NAV1: variants seen among roughly 807,000 people sequenced by gnomAD.
NAV1 encodes neuron navigator 1.
NAV1 carries 18 observed loss-of-function variants against 175.2 expected under a neutral mutation model. The ratio of observed to expected loss-of-function variants is 0.10; its 90% confidence interval spans 0.07 to 0.15. NAV1 has a LOEUF of 0.15. Ranked by LOEUF, NAV1 falls within the 10% of genes least tolerant of loss-of-function variation. The probability of loss-of-function intolerance (pLI) is 1.00; values close to 1 mark genes in which losing one functional copy is unlikely to be tolerated. For missense variants in NAV1, 1,731 were observed against 2,436.6 expected (o/e 0.71, Z 6.10); for synonymous variants, 897 against 978.7 (o/e 0.92, Z 1.56).
chr1:201,810,482 G>A lies in NAV1; in HGVS notation c.4562-41G>A. On this transcript the variant is annotated intron_variant, in intron 23 of 29. Coordinates refer to ENST00000367296, the Ensembl canonical transcript of NAV1. The surrounding 1 kb of genome is among the most constrained non-coding windows in gnomAD (Gnocchi z 6.0). ...CTTTAGGATCCCTTGCTATCCTCAA[G>A]ACCCTGGTCAATACTCATGCTTTCT... 1 of 1,555,670 alleles carries A rather than the reference G, an allele frequency of 6.4e-7. No individual in the cohort carries two copies. The highest frequency in any genetic ancestry group is 2.4e-5 in the East Asian group (1 of 41,974).
chr1:201,794,873 T>C, intron 15 of NAV1: 2 of 323,146 alleles, frequency 6.2e-6, no homozygotes, highest in Non-Finnish European at 1.2e-5. Context: ...AAATAGCCCT[T>C]TACATTTTTA....
chr1:201,719,094 T>C (rs1315230575), intron 3 of NAV1, among the ~76,000 whole-genome samples: 1 of 151,734 alleles, frequency 6.6e-6, no homozygotes, highest in Non-Finnish European at 1.5e-5. Context: ...AAAAGCATTT[T>C]ATTCCCAGCT....
At chr1:201,760,285 G>A (rs140229735) in intron 3 of NAV1, among the ~76,000 whole-genome samples, 2 of 152,226 alleles carry the variant, frequency 1.3e-5, no homozygotes, top group African/African-American at 4.8e-5. Context: ...TTGGCAACAC[G>A]GTGAAACCCC....
intron 1 of NAV1, among the ~76,000 whole-genome samples, chr1:201,707,095 C>A (rs558133600): frequency 6.6e-6 from 1 of 152,212 alleles, no homozygotes; most frequent in East Asian, 1.9e-4. Context: ...GGTAGTCAGG[C>A]CTGATGACAC....
chr1:201,656,866 T>C (rs1258857778), intron 1 of NAV1, among the ~76,000 whole-genome samples: 3 of 152,216 alleles, frequency 2.0e-5, no homozygotes, highest in Non-Finnish European at 2.9e-5. Flanking sequence ...ACTCCTTGGC[T>C]TCTTTCCCAG....
At chr1:201,792,079 T>G (rs918982743) in intron 13 of NAV1, 2 of 151,950 alleles carry the variant, frequency 1.3e-5, no homozygotes, top group Non-Finnish European at 2.9e-5. Flanking sequence ...AGCCAAGAAA[T>G]TGAATTTAGA....
At position 201,659,721 on chromosome 1, in the gene NAV1, A is replaced by G. The variant is rs570480498; in HGVS notation, c.757+10296A>G. Among the ~76,000 whole-genome samples, 22 of 152,380 alleles carry G rather than the reference A, an allele frequency of 1.4e-4. 1 individual carries two copies. The highest frequency in any genetic ancestry group is 1.0e-3 in the South Asian group (5 of 4,828). On this transcript the variant is annotated intron_variant, in intron 1 of 29. Coordinates refer to ENST00000367296, the Ensembl canonical transcript of NAV1. ...TATCCAGCTTTGTTTGTTTGAAGGT[A>G]GGAGAACTAGATGGGGACTAGCTGG...
At chr1:201,689,185 T>C (rs765570015) in intron 1 of NAV1, among the ~76,000 whole-genome samples, 2 of 152,244 alleles carry the variant, frequency 1.3e-5, no homozygotes, top group African/African-American at 2.4e-5. Flanking sequence ...TTGAAGGCAC[T>C]AAGTGATGAG....
chr1:201,578,656 T>G (rs1357499824), intron 1 of NAV1, among the ~76,000 whole-genome samples: 1 of 152,196 alleles, frequency 6.6e-6, no homozygotes, highest in East Asian at 1.9e-4. Context: ...CTAGTGGGGT[T>G]GTTGGGCACT....
chr1:201,653,563 A>G (rs1261788713), intron 1 of NAV1, among the ~76,000 whole-genome samples: 4 of 152,256 alleles, frequency 2.6e-5, no homozygotes, highest in Non-Finnish European at 4.4e-5. Flanking sequence ...TTTGAGTAGC[A>G]GGAGAAAGAA....
At chr1:201,596,192 G>C (rs1236479685) in intron 2 of NAV1, among the ~76,000 whole-genome samples, 2 of 152,260 alleles carry the variant, frequency 1.3e-5, no homozygotes, top group Admixed American at 1.3e-4. Context: ...TGCCTGGCAT[G>C]TGGTACGTGT....
chr1:201,821,322 C>G (rs1679364293), exon 30 of NAV1: 1 of 152,532 alleles, frequency 6.6e-6, no homozygotes, highest in Non-Finnish European at 1.5e-5. Context: ...CATGTGAGAT[C>G]ATCCCAATCA....
intron 2 of NAV1, among the ~76,000 whole-genome samples, chr1:201,612,849 C>CTG (rs150520987): frequency 4.6e-4 from 70 of 151,004 alleles, no homozygotes; most frequent in East Asian, 2.1e-3. Context: ...GTGTGTATGT[C>CTG]TGTGTGTGTG....
At chr1:201,818,194 A>C (rs1679180962) in intron 29 of NAV1, among the ~76,000 whole-genome samples, 1 of 151,972 alleles carries the variant, frequency 6.6e-6, no homozygotes, top group Non-Finnish European at 1.5e-5. Context: ...ACACCACTGC[A>C]CTCCAGCCCA....
intron 1 of NAV1, among the ~76,000 whole-genome samples, chr1:201,572,291 G>C (rs1179078268): frequency 6.6e-6 from 1 of 152,122 alleles, no homozygotes; most frequent in South Asian, 2.1e-4. Flanking sequence ...AGTTCCCTGA[G>C]AGCAGCATTG....
intron 14 of NAV1, 24 bp downstream of exon 18, chr1:201,793,899 GAGGGGT>G: frequency 6.6e-7 from 1 of 1,524,686 alleles, no homozygotes; most frequent in Non-Finnish European, 9.1e-7. Context: ...GAAAGGGTGG[GAGGGGT>G]GGGTGCGGCG....
chr1:201,775,760 T>A (rs1341830279), intron 3 of NAV1, among the ~76,000 whole-genome samples: 2 of 152,190 alleles, frequency 1.3e-5, no homozygotes, highest in African/African-American at 4.8e-5. Flanking sequence ...CCTTGGAAAT[T>A]TAAAATATGG....
intron 1 of NAV1, among the ~76,000 whole-genome samples, chr1:201,689,318 G>A (rs541942285): frequency 3.7e-4 from 56 of 152,340 alleles, no homozygotes; most frequent in Admixed American, 6.5e-4. Flanking sequence ...GCCGCTACAG[G>A]ACAGTTTTAT....
At chr1:201,596,529 G>T (rs1419118984) in intron 2 of NAV1, among the ~76,000 whole-genome samples, 2 of 152,170 alleles carry the variant, frequency 1.3e-5, no homozygotes, top group African/African-American at 4.8e-5. Context: ...TTGTTTGTTT[G>T]TTTGTTTATG....
Sources: allele counts gnomAD v4.1 joint callset (sites outside exome capture counted in the v4.1 genomes callset), GRCh38; gene constraint gnomAD v4.1.1; non-coding constraint Gnocchi (gnomAD v3.1); transcripts MANE v1.5; gene names NCBI Gene and HGNC (gene_info 2026-07-23, HGNC 2026-07-21).